RAPGEF2: variants seen among roughly 807,000 people sequenced by gnomAD.
RAPGEF2 encodes the protein Rap guanine nucleotide exchange factor 2.
A neutral mutation model predicts 186.7 loss-of-function variants in RAPGEF2; 54 were observed. The ratio of observed to expected loss-of-function variants is 0.29; its 90% CI spans 0.23 to 0.36. The LOEUF (loss-of-function observed/expected upper bound fraction) is 0.36. Ranked by LOEUF, RAPGEF2 falls within the 10% of genes least tolerant of loss-of-function variation. The pLI is 1.00. For synonymous variants in RAPGEF2, 712 were observed against 705.9 expected (o/e 1.01, Z -0.14); for missense variants, 1,532 against 2,045.0 (o/e 0.75, Z 4.84).
At chr4:159,198,323 TTTCTTTCTTTC>T (rs1473464012) in intron 3 of RAPGEF2, among the ~76,000 whole-genome samples, 1 of 77,042 alleles carries the variant, frequency 1.3e-5, no homozygotes, top group Non-Finnish European at 2.3e-5. Flanking sequence ...TCTTTCTTTC[TTTCTTTCTTTC>T]TTTTTCTTTC....
At chr4:159,152,503 T>C (rs1210749291) in intron 1 of RAPGEF2, among the ~76,000 whole-genome samples, 1 of 152,226 alleles carries the variant, frequency 6.6e-6, no homozygotes, top group East Asian at 1.9e-4. Context: ...GTGGCTATGG[T>C]TTTTTCAAGA....
intron 4 of RAPGEF2, among the ~76,000 whole-genome samples, chr4:159,214,645 T>C (rs1198178399): frequency 6.6e-6 from 1 of 152,172 alleles, no homozygotes; most frequent in Non-Finnish European, 1.5e-5. Context: ...AACCAACATA[T>C]TATTTTTTGC....
Position 159,320,122 on chromosome 4 carries a change from A to G in RAPGEF2, c.854-2225A>G, listed in dbSNP as rs9990653. On this transcript the variant is annotated intron_variant, in intron 9 of 29. Coordinates refer to ENST00000691494, the MANE Select transcript of RAPGEF2 (RefSeq NM_001394067.2). ...AAATGCATGGTCTATAGGTAATAGT[A>G]TCATAGTTTATGGTGAGGCGTGAGG... 8.1e-3 allele frequency among the ~76,000 whole-genome samples: 1,240 copies of G among 152,316 alleles called. 13 individuals carry two copies. Among genetic ancestry groups the G allele is most frequent in the African/African-American group, 0.028 (1,169 of 41,574 alleles).
At chr4:159,248,403 A>G (rs1287181068) in intron 7 of RAPGEF2, among the ~76,000 whole-genome samples, 1 of 152,232 alleles carries the variant, frequency 6.6e-6, no homozygotes, top group Non-Finnish European at 1.5e-5. Context: ...TTTCATCAGA[A>G]GAGTCTTAGG....
intron 7 of RAPGEF2, among the ~76,000 whole-genome samples, chr4:159,258,660 A>T (rs1008704457): frequency 6.6e-6 from 1 of 152,180 alleles, no homozygotes; most frequent in South Asian, 2.1e-4. Flanking sequence ...TAAATATTAA[A>T]TTTCTGAAGA....
At chr4:159,340,550 A>C (rs561822915) in intron 19 of RAPGEF2, among the ~76,000 whole-genome samples, 2 of 152,116 alleles carry the variant, frequency 1.3e-5, no homozygotes, top group Non-Finnish European at 2.9e-5. Context: ...GAAATACACA[A>C]AAAAAATTTT....
chr4:159,235,988 C>A (rs1272567466), intron 4 of RAPGEF2, among the ~76,000 whole-genome samples: 1 of 152,216 alleles, frequency 6.6e-6, no homozygotes, highest in Non-Finnish European at 1.5e-5. Context: ...ATGACCTACT[C>A]TTTGGCTCCT....
intron 29 of RAPGEF2, among the ~76,000 whole-genome samples, chr4:159,357,825 T>A (rs1029941447): frequency 6.6e-6 from 1 of 152,228 alleles, no homozygotes; most frequent in Non-Finnish European, 1.5e-5. Context: ...AAATGGCACA[T>A]GCTATTTTAC....
chr4:159,248,122 T>C (rs1217161969), intron 7 of RAPGEF2, among the ~76,000 whole-genome samples: 1 of 152,148 alleles, frequency 6.6e-6, no homozygotes, highest in Non-Finnish European at 1.5e-5. Context: ...TTTCTGATGA[T>C]TTGCTTTGTG....
chr4:159,118,582 G>GTAT (rs575604487), intron 1 of RAPGEF2, among the ~76,000 whole-genome samples: 8 of 148,050 alleles, frequency 5.4e-5, no homozygotes, highest in Non-Finnish European at 1.2e-4. Flanking sequence ...GTATATTAAA[G>GTAT]TATTATTATT....
chr4:159,228,709 G>A (rs1752299308), intron 4 of RAPGEF2, among the ~76,000 whole-genome samples: 1 of 152,022 alleles, frequency 6.6e-6, no homozygotes, highest in Non-Finnish European at 1.5e-5. Context: ...GAAGCAGTTC[G>A]CAATTTACAC....
At chr4:159,114,300 C>T (rs1374187168) in intron 1 of RAPGEF2, among the ~76,000 whole-genome samples, 1 of 152,040 alleles carries the variant, frequency 6.6e-6, no homozygotes, top group Non-Finnish European at 1.5e-5. Context: ...GACAGGGTTT[C>T]ACCATGTTGG....
At chr4:159,145,341 A>G (rs1427746007) in intron 1 of RAPGEF2, among the ~76,000 whole-genome samples, 2 of 152,214 alleles carry the variant, frequency 1.3e-5, no homozygotes, top group Non-Finnish European at 2.9e-5. Flanking sequence ...TCTAGGAGCC[A>G]CACTATAAAA....
intron 17 of RAPGEF2, among the ~76,000 whole-genome samples, 198 bp from the exon 18 acceptor site, chr4:159,338,100 CAAACAAAAACAAA>C (rs138999530): frequency 0.015 from 2,341 of 151,460 alleles, 67 homozygotes; most frequent in African/African-American, 0.054. Flanking sequence ...TAAAAACAAA[CAAACAAAAACAAA>C]AAACAAAAAC....
chr4:159,169,128 C>T (rs943502888), intron 1 of RAPGEF2, among the ~76,000 whole-genome samples: 1 of 152,068 alleles, frequency 6.6e-6, no homozygotes, highest in Non-Finnish European at 1.5e-5. Context: ...TTTGAATTGA[C>T]CAGTGAACTG....
At chr4:159,285,796 A>G (rs910508267) in intron 7 of RAPGEF2, among the ~76,000 whole-genome samples, 3 of 152,110 alleles carry the variant, frequency 2.0e-5, no homozygotes, top group African/African-American at 7.2e-5. Flanking sequence ...CTCCCTCATC[A>G]TCATTGTCAT....
At chr4:159,266,704 T>C (rs889552066) in intron 7 of RAPGEF2, among the ~76,000 whole-genome samples, 2 of 152,226 alleles carry the variant, frequency 1.3e-5, no homozygotes, top group African/African-American at 4.8e-5. Flanking sequence ...ACAAAGCTTG[T>C]CAAGTATGCA....
chr4:159,141,079 A>T (rs1301895970), intron 1 of RAPGEF2, among the ~76,000 whole-genome samples: 1 of 152,160 alleles, frequency 6.6e-6, no homozygotes, highest in African/African-American at 2.4e-5. Flanking sequence ...TATTATAGGC[A>T]TGAGATGCTG....
intron 1 of RAPGEF2, among the ~76,000 whole-genome samples, chr4:159,181,644 C>G (rs1747022826): frequency 7.2e-6 from 1 of 139,780 alleles, no homozygotes; most frequent in Non-Finnish European, 1.5e-5. Context: ...GTGGCACAAT[C>G]TCAGCCTCAG....
Sources: gnomAD v4.1 joint callset for allele counts (sites outside exome capture counted in the v4.1 genomes callset) on GRCh38, gnomAD v4.1.1 for gene constraint, MANE v1.5 for transcripts, NCBI Gene and HGNC (gene_info 2026-07-23, HGNC 2026-07-21) for gene names.